Variants in KCNN3 observed in about 807,000 individuals in gnomAD.
The protein encoded by KCNN3 is potassium calcium-activated channel subfamily N member 3.
A neutral mutation model predicts 62.9 loss-of-function variants in KCNN3; 16 were observed. That is an observed-to-expected ratio of 0.25 (90% CI 0.17 to 0.39). The LOEUF (loss-of-function observed/expected upper bound fraction) is 0.39, where lower values mean the gene tolerates loss of function less well. Among genes scored for constraint, KCNN3 ranks in the 10% least tolerant of loss-of-function variants. The probability of loss-of-function intolerance (pLI) is 1.00; values close to 1 mark genes in which losing one functional copy is unlikely to be tolerated. For missense variants in KCNN3, 599 were observed against 949.4 expected (o/e 0.63, Z 4.85); for synonymous variants, 370 against 389.2 (o/e 0.95, Z 0.58).
intron 7 of KCNN3, among the ~76,000 whole-genome samples, chr1:154,709,474 A>G (rs6695232): frequency 0.39 from 59,542 of 151,950 alleles, 11,771 homozygotes; most frequent in Non-Finnish European, 0.43. Context: ...TTTATGCCCC[A>G]GGGACCAAAG....
chr1:154,869,314 C>T lies in KCNN3; in HGVS notation c.651G>A (p.Pro217=), dbSNP rs764611548. 1.2e-6 allele frequency: 2 copies of T among 1,613,546 alleles called. No individual in the cohort carries two copies. Among genetic ancestry groups the T allele is most frequent in the Admixed American group, 1.7e-5 (1 of 60,008 alleles). Residue 217 remains proline (P), a synonymous_variant, in exon 1 of 8, where the codon CCG becomes CCA. Coordinates refer to ENST00000271915, the MANE Select transcript of KCNN3 (RefSeq NM_002249.6). The surrounding 1 kb of genome is among the most constrained non-coding windows in gnomAD (Gnocchi z 6.1). ...CCTCCCGGGAGGAGATGACGATCTCCGGGGGGTTGCTAGGGCTGAAAAGCT... is the reference window on the plus strand; with the variant it reads ...CCTCCCGGGAGGAGATGACGATCTCTGGGGGGTTGCTAGGGCTGAAAAGCT... ...PLQLFSPSNP[P]EIVISSREDN...
chr1:154,713,218 C>A (rs1487453849), intron 7 of KCNN3, among the ~76,000 whole-genome samples: 3 of 152,176 alleles, frequency 2.0e-5, no homozygotes, highest in Non-Finnish European at 4.4e-5. Flanking sequence ...ATTAATTTCA[C>A]GCAGAGACAC....
chr1:154,732,071 G>A (rs913092617), intron 4 of KCNN3, among the ~76,000 whole-genome samples: 6 of 152,188 alleles, frequency 3.9e-5, no homozygotes, highest in East Asian at 3.9e-4. Context: ...GCCGCTTCTC[G>A]TTTTCAAAGC....
intron 3 of KCNN3, among the ~76,000 whole-genome samples, chr1:154,768,308 T>C (rs1188515939): frequency 1.4e-4 from 22 of 152,206 alleles, no homozygotes; most frequent in Non-Finnish European, 5.9e-5. Flanking sequence ...TATTTGACAT[T>C]GGGAAACAGA....
In KCNN3 at chr1:154,711,906, GAGGGAGAGGAAGAGAGAGACAGGGAA is replaced by G. The variant is rs796537979; in HGVS notation, c.1899+1532_1899+1557del. Among the ~76,000 whole-genome samples, 79 of 152,124 alleles carry G rather than the reference GAGGGAGAGGAAGAGAGAGACAGGGAA, an allele frequency of 5.2e-4. 1 individual carries two copies. The highest frequency in any genetic ancestry group is 8.4e-4 in the African/African-American group (35 of 41,468). On this transcript the variant is annotated intron_variant, in intron 7 of 7. Coordinates refer to ENST00000271915, the MANE Select transcript of KCNN3 (RefSeq NM_002249.6). ...AGAGGGAGAGAAAGAGAGGAAGAGA[GAGGGAGAGGAAGAGAGAGACAGGGAA>G]AGGGAGAGGAAGAGAGAGACAGGGA... is the stretch of plus-strand genomic sequence containing the variant.
intron 4 of KCNN3, 84 bp downstream of exon 4, chr1:154,732,918 AG>A: frequency 6.7e-7 from 1 of 1,487,894 alleles, no homozygotes; most frequent in South Asian, 1.1e-5. Flanking sequence ...CTCTGCGGCT[AG>A]GAAGGCCCCT....
intron 5 of KCNN3, among the ~76,000 whole-genome samples, chr1:154,722,677 C>T (rs1193496548): frequency 6.6e-6 from 1 of 151,924 alleles, no homozygotes; most frequent in Non-Finnish European, 1.5e-5. Flanking sequence ...CAGGCATGAG[C>T]CACCGCGCCC....
chr1:154,836,856 G>T (rs1458186784), intron 1 of KCNN3, among the ~76,000 whole-genome samples: 1 of 152,166 alleles, frequency 6.6e-6, no homozygotes, highest in Admixed American at 6.5e-5. Flanking sequence ...CTGTCTCTCT[G>T]CTCCATCACC....
rs551221790 is a variant in KCNN3, at chr1:154,815,237, G to A, written c.1029+6852C>T. On this transcript the variant is annotated intron_variant, in intron 2 of 7. Transcript: ENST00000271915. ...CACCCTTAGGAAACCTCTACCAGGT[G>A]TCTGAAGAAGGATGGGGACTCTAGC... Among the ~76,000 whole-genome samples, 13 of 152,338 alleles carry A rather than the reference G, an allele frequency of 8.5e-5. No homozygotes were observed. In the South Asian group the frequency reaches 2.5e-3, roughly 29 times the overall value.
At chr1:154,833,739 G>C (rs1295198238) in intron 1 of KCNN3, among the ~76,000 whole-genome samples, 1 of 152,104 alleles carries the variant, frequency 6.6e-6, no homozygotes, top group African/African-American at 2.4e-5. Flanking sequence ...TGTCTGAAAG[G>C]GACAGGCCCC....
intron 1 of KCNN3, among the ~76,000 whole-genome samples, chr1:154,836,775 G>A (rs908651579): frequency 2.0e-5 from 3 of 152,176 alleles, no homozygotes; most frequent in Non-Finnish European, 2.9e-5. Context: ...CCCGAGAGCC[G>A]CCGCCCCTGG....
At chr1:154,796,039 G>A (rs542165108) in intron 2 of KCNN3, among the ~76,000 whole-genome samples, 239 of 152,300 alleles carry the variant, frequency 1.6e-3, no homozygotes, top group Non-Finnish European at 2.6e-3. Flanking sequence ...CAGCTGTGAC[G>A]ATGAGGTGAG....
Position 154,707,743 on chromosome 1 carries a change from TC to T in KCNN3, c.*232del. Reference sequence around the variant, plus strand: ...CAAGGGCCCTGCCAGAGGCGTCGCTTCCTGTCATCTCCTCTTCCCGCTCCCA... The same window carrying T: ...CAAGGGCCCTGCCAGAGGCGTCGCTTCTGTCATCTCCTCTTCCCGCTCCCA... On this transcript the variant is annotated 3_prime_UTR_variant, in exon 8 of 8. Coordinates refer to ENST00000271915, the MANE Select transcript of KCNN3 (RefSeq NM_002249.6). The T allele has an allele frequency of 1.9e-6, 1 of 522,546 alleles. No homozygotes were observed. Among genetic ancestry groups the T allele is most frequent in the Non-Finnish European group, 3.3e-6 (1 of 300,114 alleles). The allele number at this position is 522,546 out of a possible 1,614,324, so 32.4% of individuals were successfully genotyped here. A position where few individuals can be genotyped will look rare whatever the true frequency, so the allele number is the denominator to read the frequency against.
chr1:154,746,919 A>C (rs1005421621), intron 3 of KCNN3, among the ~76,000 whole-genome samples: 4 of 152,190 alleles, frequency 2.6e-5, no homozygotes, highest in African/African-American at 9.7e-5. Flanking sequence ...GAGTAGGTGC[A>C]TGGGTCCCCC....
intron 1 of KCNN3, among the ~76,000 whole-genome samples, chr1:154,852,246 TCTGCTGCCCAGGCTGGAGTGCAGAGGCA>T (rs149811701): frequency 0.19 from 28,145 of 151,602 alleles, 3,316 homozygotes; most frequent in Non-Finnish European, 0.28. Flanking sequence ...AGGGTCTTGC[TCTGCTGCCCAGGCTGGAGTGCAGAGGCA>T]CACGCATGGC....
At position 154,746,055 on chromosome 1, in the gene KCNN3, G is replaced by A. The variant is rs187157115; in HGVS notation, c.1449-12911C>T. Among the ~76,000 whole-genome samples, 232 of 152,254 alleles carry A rather than the reference G, an allele frequency of 1.5e-3. 1 individual carries two copies. The Middle Eastern group carries it at 0.017, about 11-fold the overall frequency. ...AAAATGAAGCAGTAAAACCTTGCACGGGACTAGTGAAAAATATAAAACTCT... is the reference window on the plus strand; with the variant it reads ...AAAATGAAGCAGTAAAACCTTGCACAGGACTAGTGAAAAATATAAAACTCT... On this transcript the variant is annotated intron_variant, in intron 3 of 7. Coordinates refer to ENST00000271915, the MANE Select transcript of KCNN3 (RefSeq NM_002249.6).
chr1:154,745,890 C>T (rs774630747), intron 3 of KCNN3, among the ~76,000 whole-genome samples: 3 of 152,160 alleles, frequency 2.0e-5, no homozygotes, highest in Admixed American at 1.3e-4. Context: ...ATGTCTTCCA[C>T]GGTATCTGGA....
intron 1 of KCNN3, among the ~76,000 whole-genome samples, chr1:154,835,489 A>G (rs971397607): frequency 1.3e-5 from 2 of 152,212 alleles, no homozygotes; most frequent in Admixed American, 1.3e-4. Flanking sequence ...ATGGGCAGAC[A>G]TCATTCTGCT....
chr1:154,817,046 G>A (rs192221225), intron 2 of KCNN3, among the ~76,000 whole-genome samples: 78 of 152,306 alleles, frequency 5.1e-4, no homozygotes, highest in African/African-American at 1.8e-3. Context: ...CTGTCAGCCA[G>A]ACAAACACAT....
Sources: allele counts gnomAD v4.1 joint callset (sites outside exome capture counted in the v4.1 genomes callset), GRCh38; gene constraint gnomAD v4.1.1; non-coding constraint Gnocchi (gnomAD v3.1); transcripts MANE v1.5; gene names NCBI Gene and HGNC (gene_info 2026-07-23, HGNC 2026-07-21).